DPP10: variants seen among roughly 807,000 people sequenced by gnomAD.
DPP10 encodes inactive dipeptidyl peptidase 10.
DPP10 carries 33 observed loss-of-function variants against 120.9 expected under a neutral mutation model. The observed-to-expected ratio is 0.27, with a 90% confidence interval of 0.21 to 0.37. The LOEUF (loss-of-function observed/expected upper bound fraction) is 0.37, where lower values mean the gene tolerates loss of function less well. DPP10 is among the 10% of genes least tolerant of loss of function. The pLI is 1.00. For missense variants in DPP10, 816 were observed against 942.8 expected (o/e 0.87, Z 1.76); for synonymous variants, 337 against 326.1 (o/e 1.03, Z -0.36).
intron 1 of DPP10, among the ~76,000 whole-genome samples, chr2:114,714,111 G>A (rs1016223618): frequency 7.1e-4 from 108 of 151,344 alleles, no homozygotes; most frequent in Middle Eastern, 6.8e-3. Flanking sequence ...GTGTGTTTGC[G>A]CGTGCGTGCG....
At chr2:115,477,062 C>T (rs1018210844) in intron 3 of DPP10, among the ~76,000 whole-genome samples, 18 of 152,066 alleles carry the variant, frequency 1.2e-4, no homozygotes, top group Admixed American at 1.3e-4. Flanking sequence ...ACACATTACT[C>T]GCAATGGTGA....
At position 115,398,298 on chromosome 2, in the gene DPP10, TATATG is replaced by T. The variant is rs374466510; in HGVS notation, c.271+54389_271+54393del. On this transcript the variant is annotated intron_variant, in intron 3 of 25. Coordinates refer to ENST00000410059, the MANE Select transcript of DPP10 (RefSeq NM_020868.6). ...ATATGTGATAAAATGTATTGTAACT[TATATG>T]ATTTATTAAATTGAGTCACGCCTGA... Among the ~76,000 whole-genome samples, 732 of 152,244 alleles carry T rather than the reference TATATG, an allele frequency of 4.8e-3. 8 individuals are homozygous for T. The highest frequency in any genetic ancestry group is 0.016 in the African/African-American group (657 of 41,558).
intron 19 of DPP10, among the ~76,000 whole-genome samples, chr2:115,791,908 C>G (rs1435890516): frequency 6.6e-6 from 1 of 152,132 alleles, no homozygotes; most frequent in Non-Finnish European, 1.5e-5. Flanking sequence ...TAATGCGTAA[C>G]TAACTTGATA....
At chr2:114,768,613 A>T (rs1574143431) in intron 1 of DPP10, among the ~76,000 whole-genome samples, 1 of 152,070 alleles carries the variant, frequency 6.6e-6, no homozygotes. Flanking sequence ...CAAGGGTCGT[A>T]CCCTTAATCA....
chr2:115,337,516 C>T (rs569905141), intron 2 of DPP10, among the ~76,000 whole-genome samples: 140 of 151,908 alleles, frequency 9.2e-4, no homozygotes, highest in African/African-American at 3.2e-3. Context: ...GTTACGTGGT[C>T]TTTGTCAACA....
Position 115,235,919 on chromosome 2 carries a change from G to C in DPP10, c.61-73320G>C, listed in dbSNP as rs575767040. ...GTACACGATGGAGGATGTCCTTATGGCTTAAGTCTGCCTCATAGACGATTG... is the reference window on the plus strand; with the variant it reads ...GTACACGATGGAGGATGTCCTTATGCCTTAAGTCTGCCTCATAGACGATTG... On this transcript the variant is annotated intron_variant, in intron 1 of 25. Transcript: ENST00000410059. 1.6e-3 allele frequency among the ~76,000 whole-genome samples: 250 copies of C among 152,184 alleles called. 1 individual carries two copies. The highest frequency in any genetic ancestry group is 0.01 in the Middle Eastern group (3 of 294).
At chr2:114,739,851 A>G (rs527993695) in intron 1 of DPP10, among the ~76,000 whole-genome samples, 22 of 151,830 alleles carry the variant, frequency 1.4e-4, no homozygotes, top group Non-Finnish European at 2.9e-4. Context: ...CAATCAGACT[A>G]TCTCTTCTCA....
intron 1 of DPP10, among the ~76,000 whole-genome samples, chr2:115,060,178 A>G (rs1450460646): frequency 6.7e-6 from 1 of 150,172 alleles, no homozygotes; most frequent in Non-Finnish European, 1.5e-5. Context: ...AGATAGATAT[A>G]TAGAGGTAGG....
intron 1 of DPP10, among the ~76,000 whole-genome samples, chr2:114,988,137 A>G (rs1396492168): frequency 6.6e-6 from 1 of 152,054 alleles, no homozygotes; most frequent in Non-Finnish European, 1.5e-5. Flanking sequence ...CTTCATGTGC[A>G]TCTCCCATAA....
intron 1 of DPP10, among the ~76,000 whole-genome samples, chr2:115,117,647 A>G (rs1343986051): frequency 6.6e-6 from 1 of 152,198 alleles, no homozygotes; most frequent in Non-Finnish European, 1.5e-5. Context: ...CTCATATTTC[A>G]TCACACTTTT....
intron 1 of DPP10, among the ~76,000 whole-genome samples, chr2:114,450,630 T>C (rs1392107207): frequency 1.3e-5 from 2 of 152,056 alleles, no homozygotes; most frequent in African/African-American, 4.8e-5. Flanking sequence ...CCTGTTACTT[T>C]GAAATATGCA....
At chr2:114,554,143 T>C (rs777394952) in intron 1 of DPP10, among the ~76,000 whole-genome samples, 67 of 152,314 alleles carry the variant, frequency 4.4e-4, no homozygotes, top group South Asian at 8.3e-4. Flanking sequence ...TTGATCTATA[T>C]CTCTATTTCT....
In DPP10 at chr2:115,445,066, G is replaced by C. The variant is rs1302084027; in HGVS notation, c.272-54444G>C. 3.9e-5 allele frequency among the ~76,000 whole-genome samples: 6 copies of C among 152,230 alleles called. No individual in the cohort carries two copies. In the East Asian group the frequency reaches 5.8e-4, roughly 15 times the overall value. ...CTTATGAGATCTGATGGTTTTATAA[G>C]TGTGGTTACCCTGCTCTCTCTCTCT... On this transcript the variant is annotated intron_variant, in intron 3 of 25. Coordinates refer to ENST00000410059, the MANE Select transcript of DPP10 (RefSeq NM_020868.6).
In DPP10 at chr2:115,242,098, A is replaced by G. The variant is rs954878758; in HGVS notation, c.61-67141A>G. On this transcript the variant is annotated intron_variant, in intron 1 of 25. Coordinates refer to ENST00000410059, the MANE Select transcript of DPP10 (RefSeq NM_020868.6). ...TGATTTGTGAGATTTTGGTGCACCC[A>G]TGACCCAAGCAGTATACACTGTACC... Among the ~76,000 whole-genome samples, 5 of 152,246 alleles carry G rather than the reference A, an allele frequency of 3.3e-5. No homozygotes were observed. In the South Asian group the frequency reaches 8.3e-4, roughly 25 times the overall value.
At chr2:114,696,146 C>A (rs759756600) in intron 1 of DPP10, among the ~76,000 whole-genome samples, 2 of 152,018 alleles carry the variant, frequency 1.3e-5, no homozygotes, top group Admixed American at 6.6e-5. Flanking sequence ...TATGGCTGTG[C>A]TTTCATTATG....
intron 10 of DPP10, among the ~76,000 whole-genome samples, chr2:115,750,979 T>A (rs1436305353): frequency 6.6e-6 from 1 of 152,174 alleles, no homozygotes; most frequent in Admixed American, 6.6e-5. Context: ...GCACAAAATA[T>A]AATATTATGG....
rs563606691 is a variant in DPP10 at position 114,697,023 on chromosome 2, T to A, written c.60+254185T>A. ...ATGTCTGTCATATTAATTCTCTCTTTTAATCATGGGAGCTATTGACAATGC... is the reference window on the plus strand; with the variant it reads ...ATGTCTGTCATATTAATTCTCTCTTATAATCATGGGAGCTATTGACAATGC... On this transcript the variant is annotated intron_variant, in intron 1 of 25. Coordinates refer to ENST00000410059, the MANE Select transcript of DPP10 (RefSeq NM_020868.6). Among the ~76,000 whole-genome samples the A allele has an allele frequency of 2.0e-5, 3 of 152,192 alleles. No individual in the cohort carries two copies. The South Asian group carries it at 6.2e-4, about 32-fold the overall frequency.
chr2:115,415,841 T>TATATA lies in DPP10; in HGVS notation c.271+71929_271+71930insATATA, dbSNP rs773341293. 9.8e-3 allele frequency among the ~76,000 whole-genome samples: 729 copies of TATATA among 74,266 alleles called. 17 individuals carry two copies. The highest frequency in any genetic ancestry group is 0.02 in the African/African-American group (382 of 19,498). The allele number at this position is 74,266 out of a possible 152,430, so 48.7% of individuals were successfully genotyped here. A position where few individuals can be genotyped will look rare whatever the true frequency, so the allele number is the denominator to read the frequency against. On this transcript the variant is annotated intron_variant, in intron 3 of 25. Transcript: ENST00000410059. ...ATCTGTCTTTATACCTGATTTGCTT[T>TATATA]TATATATATATATATATATATATAT...
chr2:114,865,123 C>T (rs1690121989), intron 1 of DPP10, among the ~76,000 whole-genome samples: 1 of 152,278 alleles, frequency 6.6e-6, no homozygotes, highest in Non-Finnish European at 1.5e-5. Context: ...GTGACAGATG[C>T]TAGTAAAGTT....
Sources: allele counts gnomAD v4.1 joint callset (sites outside exome capture counted in the v4.1 genomes callset), GRCh38; gene constraint gnomAD v4.1.1; transcripts MANE v1.5; gene names NCBI Gene and HGNC (gene_info 2026-07-23, HGNC 2026-07-21).